ROBO1: variants seen among roughly 807,000 people sequenced by gnomAD.
The protein encoded by ROBO1 is roundabout homolog 1.
In ROBO1, 149 loss-of-function variants were observed where a neutral mutation model predicts 195.9. The ratio of observed to expected loss-of-function variants is 0.76; its 90% CI spans 0.67 to 0.87. ROBO1 has a LOEUF of 0.87. ROBO1 is among the 40% of genes least tolerant of loss of function. The pLI, the probability that ROBO1 is intolerant of heterozygous loss-of-function variation, is 0.00. For missense variants in ROBO1, 1,933 were observed against 2,068.3 expected, an observed-to-expected ratio of 0.93 and a Z score of 1.27; for synonymous variants, 816 against 733.2, an observed-to-expected ratio of 1.11 and a Z score of -1.82.
intron 2 of ROBO1, among the ~76,000 whole-genome samples, chr3:79,445,934 G>T (rs2039240235): frequency 6.6e-6 from 1 of 151,786 alleles, no homozygotes; most frequent in South Asian, 2.1e-4. Context: ...TTACAGGCGT[G>T]AGCCACCGCG....
At chr3:79,625,423 G>GGAAAA (rs1348121330) in intron 1 of ROBO1, among the ~76,000 whole-genome samples, 3 of 13,882 alleles carry the variant, frequency 2.2e-4, no homozygotes, top group Non-Finnish European at 2.6e-4. Flanking sequence ...TGTTTTTTTT[G>GGAAAA]AAAAAAAAAA....
At chr3:78,662,944 T>C (rs1285559237) in intron 14 of ROBO1, among the ~76,000 whole-genome samples, 3 of 152,248 alleles carry the variant, frequency 2.0e-5, no homozygotes, top group Non-Finnish European at 4.4e-5. Context: ...TCTGAAGCGG[T>C]TTTCTAAACA....
chr3:79,076,981 T>G (rs1367898565), intron 3 of ROBO1, among the ~76,000 whole-genome samples: 1 of 151,942 alleles, frequency 6.6e-6, no homozygotes, highest in Non-Finnish European at 1.5e-5. Flanking sequence ...TATTTCTTGT[T>G]CTTATATTTT....
intron 3 of ROBO1, among the ~76,000 whole-genome samples, chr3:79,078,622 G>A (rs2079216649): frequency 6.6e-6 from 1 of 151,744 alleles, no homozygotes; most frequent in South Asian, 2.1e-4. Context: ...AGAAAACATG[G>A]ATCACTCGAA....
chr3:79,024,561 CA>C (rs1361824217), intron 3 of ROBO1, among the ~76,000 whole-genome samples: 3 of 152,110 alleles, frequency 2.0e-5, no homozygotes, highest in Middle Eastern at 3.2e-3. Flanking sequence ...CTTGAAGAAA[CA>C]AAGATGAGTT....
chr3:78,750,177 C>T (rs914209679), intron 4 of ROBO1, among the ~76,000 whole-genome samples: 23 of 152,016 alleles, frequency 1.5e-4, no homozygotes, highest in South Asian at 1.0e-3. Flanking sequence ...TTCACTGGGC[C>T]GGGCGCAGTG....
At chr3:79,591,796 T>C (rs1944007208) in intron 1 of ROBO1, among the ~76,000 whole-genome samples, 1 of 151,762 alleles carries the variant, frequency 6.6e-6, no homozygotes, top group Admixed American at 6.6e-5. Context: ...TACTGGTCAT[T>C]TCTGCTTGGC....
At chr3:79,611,058 C>G (rs1335663502) in intron 1 of ROBO1, among the ~76,000 whole-genome samples, 2 of 151,962 alleles carry the variant, frequency 1.3e-5, no homozygotes, top group Non-Finnish European at 2.9e-5. Flanking sequence ...TAAACTCATA[C>G]TCCCTACATG....
intron 3 of ROBO1, among the ~76,000 whole-genome samples, chr3:79,023,590 A>G (rs2078142873): frequency 6.6e-6 from 1 of 151,920 alleles, no homozygotes; most frequent in Non-Finnish European, 1.5e-5. Flanking sequence ...GTGTTCCAAA[A>G]CAAAAATCAC....
intron 4 of ROBO1, among the ~76,000 whole-genome samples, chr3:78,878,330 A>AAAT (rs2035972646): frequency 6.6e-6 from 1 of 152,128 alleles, no homozygotes; most frequent in South Asian, 2.1e-4. Flanking sequence ...TCACGCCTGT[A>AAAT]ATCCTAGCAC....
chr3:79,379,622 C>T (rs995310126), intron 2 of ROBO1, among the ~76,000 whole-genome samples: 2 of 152,282 alleles, frequency 1.3e-5, no homozygotes, highest in Non-Finnish European at 1.5e-5. Context: ...GCACTTACAT[C>T]GTAATTCACA....
chr3:79,062,743 A>T (rs552309930), intron 3 of ROBO1, among the ~76,000 whole-genome samples: 38 of 152,226 alleles, frequency 2.5e-4, no homozygotes, highest in Non-Finnish European at 4.6e-4. Context: ...CAGAAAACAA[A>T]ACACCACATG....
rs72892185 is a variant in ROBO1 at position 79,647,692 on chromosome 3, T to C, written c.-50-57731A>G. Among the ~76,000 whole-genome samples, 1,004 of 152,214 alleles carry C rather than the reference T, an allele frequency of 6.6e-3. 10 individuals are homozygous for C. Among genetic ancestry groups the C allele is most frequent in the African/African-American group, 0.023 (945 of 41,554 alleles). ...TCCCAAAATATCGCTGGTGTTGATG[T>C]GGAGAAGCCCTGCTTTAGGGACTTT... On this transcript the variant is annotated intron_variant, in intron 1 of 30. Coordinates refer to ENST00000464233, the MANE Select transcript of ROBO1 (RefSeq NM_002941.4).
intron 1 of ROBO1, among the ~76,000 whole-genome samples, chr3:79,594,707 C>T (rs1233758074): frequency 6.6e-6 from 1 of 151,868 alleles, no homozygotes; most frequent in Non-Finnish European, 1.5e-5. Flanking sequence ...GAAGAATAGC[C>T]ACATCATTGG....
chr3:79,432,358 T>C (rs1299658790), intron 2 of ROBO1, among the ~76,000 whole-genome samples: 1 of 152,108 alleles, frequency 6.6e-6, no homozygotes, highest in Non-Finnish European at 1.5e-5. Context: ...CCATGTGAAA[T>C]GGGTTGAGAC....
At chr3:79,424,725 A>G (rs2038375247) in intron 2 of ROBO1, among the ~76,000 whole-genome samples, 1 of 152,130 alleles carries the variant, frequency 6.6e-6, no homozygotes, top group South Asian at 2.1e-4. Flanking sequence ...GTATTATAGA[A>G]TGTAACCTTC....
chr3:79,730,370 G>A (rs1703093895), intron 1 of ROBO1, among the ~76,000 whole-genome samples: 1 of 152,142 alleles, frequency 6.6e-6, no homozygotes, highest in African/African-American at 2.4e-5. Flanking sequence ...TGATTCCTAT[G>A]TAATTATATA....
At chr3:78,729,035 G>C (rs2082228103) in intron 5 of ROBO1, among the ~76,000 whole-genome samples, 1 of 152,216 alleles carries the variant, frequency 6.6e-6, no homozygotes, top group South Asian at 2.1e-4. Flanking sequence ...GTGGCTCTTT[G>C]CACAGCTTGG....
At chr3:79,615,842 C>T (rs7433432) in intron 1 of ROBO1, among the ~76,000 whole-genome samples, 86,798 of 151,940 alleles carry the variant, frequency 0.57, 26,244 homozygotes, top group East Asian at 0.89. Flanking sequence ...TACATTTTAC[C>T]GTATAAAAAT....
Sources: allele counts gnomAD v4.1 joint callset (sites outside exome capture counted in the v4.1 genomes callset), GRCh38; gene constraint gnomAD v4.1.1; transcripts MANE v1.5; gene names NCBI Gene and HGNC (gene_info 2026-07-23, HGNC 2026-07-21).